The following LRPPRC variants were observed in gnomAD, a reference collection of about 807,000 sequenced individuals.
The protein encoded by LRPPRC is leucine-rich PPR motif-containing protein, mitochondrial.
LRPPRC carries 120 observed loss-of-function variants against 180.3 expected under a neutral mutation model. The observed-to-expected ratio is 0.67, with a 90% CI of 0.57 to 0.77. The LOEUF (loss-of-function observed/expected upper bound fraction) is 0.77, where lower values mean the gene tolerates loss of function less well. Among genes scored for constraint, LRPPRC ranks in the 30% least tolerant of loss-of-function variants. The pLI is 0.00. For missense variants in LRPPRC, 2,012 were observed against 1,657.2 expected, an observed-to-expected ratio of 1.21 and a Z score of -3.72; for synonymous variants, 723 against 600.0, an observed-to-expected ratio of 1.21 and a Z score of -3.00.
chr2:43,956,072 G>GAA (rs1303436043), intron 14 of LRPPRC, among the ~76,000 whole-genome samples: 24 of 126,528 alleles, frequency 1.9e-4, no homozygotes, highest in African/African-American at 5.5e-4. Context: ...CTCATCATGG[G>GAA]AAAAAAAAAA....
At chr2:43,976,259 A>C (rs1358952031) in intron 5 of LRPPRC, 30 bp from the exon 6 acceptor site, 1 of 1,229,622 alleles carries the variant, frequency 8.1e-7, no homozygotes, top group Admixed American at 1.7e-5. Flanking sequence ...ATACTCATTG[A>C]AAGTATTTAT....
chr2:43,912,766 T>C (rs561550558), intron 29 of LRPPRC, among the ~76,000 whole-genome samples: 39 of 152,188 alleles, frequency 2.6e-4, no homozygotes, highest in Non-Finnish European at 5.3e-4. Context: ...CACCTTAATC[T>C]GAATGGATGG....
At chr2:43,914,040 A>T (rs1407622809) in intron 29 of LRPPRC, among the ~76,000 whole-genome samples, 1 of 152,252 alleles carries the variant, frequency 6.6e-6, no homozygotes, top group African/African-American at 2.4e-5. Context: ...AAACCATGAC[A>T]CACAATAAGA....
chr2:43,904,965 G>GA (rs1479021014), intron 31 of LRPPRC, among the ~76,000 whole-genome samples: 16 of 152,148 alleles, frequency 1.1e-4, no homozygotes, highest in South Asian at 4.2e-4. Flanking sequence ...TGCCCCTTGG[G>GA]AGATCATTCA....
At chr2:43,972,122 T>C (rs1405128402) in intron 11 of LRPPRC, among the ~76,000 whole-genome samples, 1 of 152,154 alleles carries the variant, frequency 6.6e-6, no homozygotes, top group Non-Finnish European at 1.5e-5. Context: ...AAAAAGGATA[T>C]TTTAAAAGGA....
At chr2:43,889,973 TC>T in intron 36 of LRPPRC, 97 bp from the exon 37 acceptor site, 1 of 834,122 alleles carries the variant, frequency 1.2e-6, no homozygotes, top group Non-Finnish European at 2.1e-6. Context: ...GATCCCTTTA[TC>T]CCACGGCAAA....
rs1245880423 is a variant in LRPPRC, at chr2:43,888,591, C to T, written c.*9G>A. 3 of 1,535,216 alleles carry T rather than the reference C, an allele frequency of 2.0e-6. No homozygotes were observed. Among genetic ancestry groups the T allele is most frequent in the Non-Finnish European group, 1.8e-6 (2 of 1,108,544 alleles). On this transcript the variant is annotated 3_prime_UTR_variant, in exon 38 of 38. Coordinates refer to ENST00000260665, the MANE Select transcript of LRPPRC (RefSeq NM_133259.4). ...AAATATATACAAAACAAAGTATCGC[C>T]TGGTTATTTCAAGAAGAGTTTTCCC...
chr2:43,896,133 C>T (rs1183292889), intron 35 of LRPPRC: 19 of 155,928 alleles, frequency 1.2e-4, no homozygotes, highest in Admixed American at 1.2e-3. Context: ...GTACATTTTC[C>T]TTGGTAGTGC....
intron 15 of LRPPRC, 137 bp from the exon 16 acceptor site, chr2:43,949,796 C>T: frequency 2.9e-6 from 2 of 692,250 alleles, no homozygotes; most frequent in South Asian, 1.6e-5. Flanking sequence ...CAAAACCACC[C>T]CCACCCGCCA....
At chr2:43,935,023 G>T in intron 23 of LRPPRC, 145 bp from the exon 24 acceptor site, 1 of 601,216 alleles carries the variant, frequency 1.7e-6, no homozygotes, top group Non-Finnish European at 2.9e-6. Context: ...AGCTAAAATG[G>T]GGGAAAAAAA....
At chr2:43,963,732 G>A in intron 11 of LRPPRC, 26 bp from the exon 12 acceptor site, 1 of 1,152,516 alleles carries the variant, frequency 8.7e-7, no homozygotes, top group Non-Finnish European at 1.3e-6. Flanking sequence ...TAGAAGCACA[G>A]AGATAGAGAA....
At chr2:43,919,471 G>A (rs1246728870) in intron 27 of LRPPRC, among the ~76,000 whole-genome samples, 2 of 152,148 alleles carry the variant, frequency 1.3e-5, no homozygotes, top group African/African-American at 4.8e-5. Context: ...CTATGACCCT[G>A]TGTGATACAT....
At chr2:43,970,551 T>C (rs547103215) in intron 11 of LRPPRC, among the ~76,000 whole-genome samples, 29 of 152,308 alleles carry the variant, frequency 1.9e-4, no homozygotes, top group African/African-American at 6.3e-4. Flanking sequence ...TCCAAACCTC[T>C]GTGAACACAG....
At chr2:43,906,358 C>A (rs1671066833) in intron 30 of LRPPRC, among the ~76,000 whole-genome samples, 1 of 152,166 alleles carries the variant, frequency 6.6e-6, no homozygotes, top group Non-Finnish European at 1.5e-5. Context: ...AAATTTCACA[C>A]AACCATCTTG....
rs185448965 is a variant in LRPPRC, at chr2:43,966,757, A to T, written c.1370-3051T>A. Among the ~76,000 whole-genome samples the T allele has an allele frequency of 6.1e-3, 924 of 151,976 alleles. 5 individuals are homozygous for T. Among genetic ancestry groups the T allele is most frequent in the South Asian group, 0.02 (95 of 4,808 alleles). On this transcript the variant is annotated intron_variant, in intron 11 of 37. Coordinates refer to ENST00000260665, the MANE Select transcript of LRPPRC (RefSeq NM_133259.4). Reference sequence around the variant, plus strand: ...CTAGCTAAAAAAAAATAAAAATAAAAAAATAAATAAAAGCCCAGCACGGTG... The same window carrying T: ...CTAGCTAAAAAAAAATAAAAATAAATAAATAAATAAAAGCCCAGCACGGTG...
chr2:43,945,991 G>C, intron 21 of LRPPRC, 122 bp downstream of exon 21: 1 of 1,061,000 alleles, frequency 9.4e-7, no homozygotes, highest in Non-Finnish European at 1.4e-6. Context: ...CAAAAACACT[G>C]ACAACAAAAG....
intron 32 of LRPPRC, among the ~76,000 whole-genome samples, chr2:43,900,368 A>T (rs62138481): frequency 0.088 from 13,337 of 152,152 alleles, 666 homozygotes; most frequent in South Asian, 0.14. Flanking sequence ...TGAAATTATT[A>T]TATTAAACAT....
intron 25 of LRPPRC, among the ~76,000 whole-genome samples, chr2:43,927,786 G>A (rs1455042446): frequency 1.3e-5 from 2 of 152,164 alleles, no homozygotes; most frequent in Non-Finnish European, 2.9e-5. Flanking sequence ...TTATATGGCA[G>A]ATCTTCCCAT....
intron 12 of LRPPRC, among the ~76,000 whole-genome samples, chr2:43,961,054 CA>C (rs1373906099): frequency 2.7e-4 from 41 of 152,022 alleles, no homozygotes; most frequent in African/African-American, 9.9e-4. Context: ...ATATATGAGT[CA>C]AAATTTAGCT....
Sources: gnomAD v4.1 joint callset for allele counts (sites outside exome capture counted in the v4.1 genomes callset) on GRCh38, gnomAD v4.1.1 for gene constraint, MANE v1.5 for transcripts, NCBI Gene and HGNC (gene_info 2026-07-23, HGNC 2026-07-21) for gene names.